Variants in AUTS2 observed in about 807,000 individuals in gnomAD.
AUTS2 encodes activator of transcription and developmental regulator AUTS2, also known as autism susceptibility gene 2 protein.
A neutral mutation model predicts 112.4 loss-of-function variants in AUTS2; 17 were observed. The ratio of observed to expected loss-of-function variants is 0.15; its 90% CI spans 0.10 to 0.23. The LOEUF (loss-of-function observed/expected upper bound fraction) is 0.23. Among genes scored for constraint, AUTS2 ranks in the 10% least tolerant of loss-of-function variants. AUTS2 has a pLI of 1.00. For synonymous variants in AUTS2, 751 were observed against 702.7 expected (o/e 1.07, Z -1.09); for missense variants, 1,510 against 1,701.6 (o/e 0.89, Z 1.98).
chr7:70,287,907 A>G (rs949930802), intron 4 of AUTS2, among the ~76,000 whole-genome samples: 1 of 152,068 alleles, frequency 6.6e-6, no homozygotes, highest in African/African-American at 2.4e-5. Context: ...GGTAATACTT[A>G]TATTTCAGCC....
chr7:70,734,957 A>G (rs1787694143), intron 6 of AUTS2, among the ~76,000 whole-genome samples: 1 of 152,128 alleles, frequency 6.6e-6, no homozygotes, highest in Non-Finnish European at 1.5e-5. Flanking sequence ...CAAGAGAGAT[A>G]ATTATAAGCT....
At chr7:70,390,928 A>AT (rs1415757591) in intron 4 of AUTS2, among the ~76,000 whole-genome samples, 1 of 152,210 alleles carries the variant, frequency 6.6e-6, no homozygotes, top group Non-Finnish European at 1.5e-5. Flanking sequence ...CCTTGGGGTG[A>AT]TTCTGATACA....
chr7:70,667,310 C>T (rs1041715374), intron 5 of AUTS2, among the ~76,000 whole-genome samples: 3 of 152,122 alleles, frequency 2.0e-5, no homozygotes, highest in African/African-American at 7.2e-5. Context: ...GAGGCTTTCT[C>T]CCATCATCAG....
At chr7:70,196,988 T>C (rs1473491383) in intron 4 of AUTS2, among the ~76,000 whole-genome samples, 2 of 152,210 alleles carry the variant, frequency 1.3e-5, no homozygotes, top group African/African-American at 2.4e-5. Flanking sequence ...GAAAGAGAAA[T>C]AGCATTACTA....
chr7:70,587,035 G>A lies in AUTS2; in HGVS notation c.691-111534G>A, dbSNP rs543645188. On this transcript the variant is annotated intron_variant, in intron 5 of 18. Coordinates refer to ENST00000342771, the MANE Select transcript of AUTS2 (RefSeq NM_015570.4). The stretch of plus-strand genomic sequence containing the variant: ...AAAGCCACCAGGAATGGGTAAAATT[G>A]CTCCAGAATGGGAAGGGAGCAGCAT... Among the ~76,000 whole-genome samples, 6 of 152,256 alleles carry A rather than the reference G, an allele frequency of 3.9e-5. 1 individual carries two copies. The South Asian group carries it at 1.2e-3, about 32-fold the overall frequency.
intron 2 of AUTS2, among the ~76,000 whole-genome samples, chr7:70,015,862 T>G (rs565270249): frequency 7.9e-4 from 120 of 152,188 alleles, no homozygotes; most frequent in Non-Finnish European, 1.4e-3. Context: ...TGTTGTTGTT[T>G]TTTCCCCCTG....
chr7:69,936,940 C>T (rs1286353820), intron 2 of AUTS2, among the ~76,000 whole-genome samples: 3 of 152,092 alleles, frequency 2.0e-5, no homozygotes, highest in African/African-American at 7.2e-5. Flanking sequence ...ACCCTCTTCT[C>T]TTCCTTTCCC....
intron 5 of AUTS2, among the ~76,000 whole-genome samples, chr7:70,443,314 A>G (rs1299455566): frequency 6.6e-6 from 1 of 152,178 alleles, no homozygotes; most frequent in Admixed American, 6.5e-5. Context: ...AGAAGACCCA[A>G]TTCCTGATTT....
At chr7:70,659,891 A>G (rs905673237) in intron 5 of AUTS2, among the ~76,000 whole-genome samples, 4 of 152,186 alleles carry the variant, frequency 2.6e-5, no homozygotes, top group African/African-American at 9.6e-5. Flanking sequence ...AATGCAGGCA[A>G]CTGGCTGGGC....
intron 1 of AUTS2, among the ~76,000 whole-genome samples, chr7:69,811,694 A>G (rs1241599105): frequency 6.6e-6 from 1 of 152,024 alleles, no homozygotes; most frequent in East Asian, 1.9e-4. Flanking sequence ...TGTTTCCATC[A>G]AGCTTTTCCG....
intron 4 of AUTS2, among the ~76,000 whole-genome samples, chr7:70,361,149 C>T (rs949477082): frequency 1.3e-5 from 2 of 152,040 alleles, no homozygotes; most frequent in African/African-American, 4.8e-5. Flanking sequence ...ATCAAAACCA[C>T]AGTGAAACCC....
intron 5 of AUTS2, among the ~76,000 whole-genome samples, chr7:70,688,157 T>C (rs1808562787): frequency 6.6e-6 from 1 of 152,168 alleles, no homozygotes; most frequent in Non-Finnish European, 1.5e-5. Context: ...CCTTATCAGT[T>C]ACCCAGACAC....
chr7:69,599,526 C>T lies in AUTS2; in HGVS notation c.-128C>T. On this transcript the variant is annotated 5_prime_UTR_variant, in exon 1 of 19. Transcript: ENST00000342771. The surrounding 1 kb of genome is among the most constrained non-coding windows in gnomAD (Gnocchi z 7.0). ...TCTCCCTTCTTTCGGCCGCCGTCTC[C>T]CCCGCGCCCTCCTCGGGGCGGAGGG... The T allele has an allele frequency of 1.1e-6, 1 of 892,072 alleles. No individual in the cohort carries two copies. The highest frequency in any genetic ancestry group is 1.5e-6 in the Non-Finnish European group (1 of 683,222). 55.3% of individuals were successfully genotyped at this position (892,072 alleles called of 1,614,324 possible).
At chr7:70,203,089 C>T (rs1810374677) in intron 4 of AUTS2, among the ~76,000 whole-genome samples, 1 of 145,556 alleles carries the variant, frequency 6.9e-6, no homozygotes, top group African/African-American at 2.6e-5. Flanking sequence ...TAAACTATCG[C>T]AAGAACAAAA....
chr7:70,223,416 T>C (rs1811586904), intron 4 of AUTS2, among the ~76,000 whole-genome samples: 1 of 152,198 alleles, frequency 6.6e-6, no homozygotes, highest in Admixed American at 6.5e-5. Context: ...AAAATTCCTA[T>C]TGCCTCATGA....
At chr7:69,963,845 T>C (rs1430210483) in intron 2 of AUTS2, among the ~76,000 whole-genome samples, 1 of 152,160 alleles carries the variant, frequency 6.6e-6, no homozygotes, top group Non-Finnish European at 1.5e-5. Context: ...ATGTAACCAC[T>C]GAGTGATGCA....
chr7:70,639,748 G>A (rs752996046), intron 5 of AUTS2, among the ~76,000 whole-genome samples: 4 of 150,612 alleles, frequency 2.7e-5, no homozygotes, highest in Non-Finnish European at 5.9e-5. Flanking sequence ...TTGGAAACCA[G>A]AAGGGAGTAA....
intron 5 of AUTS2, among the ~76,000 whole-genome samples, chr7:70,460,338 CTTTTTTTTTTTT>C (rs10537541): frequency 6.3e-4 from 24 of 38,182 alleles, no homozygotes; most frequent in Non-Finnish European, 7.6e-4. Flanking sequence ...ACAGCCTGGT[CTTTTTTTTTTTT>C]TTTTTTTTTT....
intron 5 of AUTS2, among the ~76,000 whole-genome samples, chr7:70,516,687 C>T (rs561879612): frequency 6.6e-6 from 1 of 152,302 alleles, no homozygotes; most frequent in African/African-American, 2.4e-5. Context: ...AGAGGCCCCT[C>T]AGGAAATGTT....
Sources: gnomAD v4.1 joint callset for allele counts (sites outside exome capture counted in the v4.1 genomes callset) on GRCh38, gnomAD v4.1.1 for gene constraint, Gnocchi (gnomAD v3.1) non-coding constraint, MANE v1.5 for transcripts, NCBI Gene and HGNC (gene_info 2026-07-23, HGNC 2026-07-21) for gene names.